TNFRSF13B: variants seen among roughly 807,000 people sequenced by gnomAD.
TNFRSF13B encodes the protein tumor necrosis factor receptor superfamily member 13B.
Under a neutral mutation model 24.0 loss-of-function variants are expected in TNFRSF13B, and 34 were observed. The ratio of observed to expected loss-of-function variants is 1.41; its 90% CI spans 1.08 to 1.88. The LOEUF (loss-of-function observed/expected upper bound fraction) is 1.88, where lower values mean the gene tolerates loss of function less well. TNFRSF13B is among the 40% of genes most tolerant of loss of function. The pLI is 0.00. For synonymous variants in TNFRSF13B, 173 were observed against 150.3 expected (o/e 1.15, Z -1.10); for missense variants, 415 against 380.8 (o/e 1.09, Z -0.75).
At chr17:16,955,956 T>C (rs2087621906) in intron 1 of TNFRSF13B, among the ~76,000 whole-genome samples, 1 of 152,218 alleles carries the variant, frequency 6.6e-6, no homozygotes, top group Non-Finnish European at 1.5e-5. Flanking sequence ...AGGTTGTGGG[T>C]TCTGATTGCT....
intron 3 of TNFRSF13B, among the ~76,000 whole-genome samples, chr17:16,944,908 C>A (rs747142848): frequency 2.0e-5 from 3 of 152,170 alleles, no homozygotes; most frequent in Non-Finnish European, 4.4e-5. Context: ...AACTTGGTCA[C>A]ATGGTGTCCT....
chr17:16,972,051 G>T lies in TNFRSF13B; in HGVS notation c.25C>A (p.Arg9=). The T allele has an allele frequency of 1.2e-6, 2 of 1,613,948 alleles. No homozygotes were observed. The highest frequency in any genetic ancestry group is 1.7e-6 in the Non-Finnish European group (2 of 1,180,008). ...TGGTCCACACGGCTCCGGCCACCTCGCCTGCTCCGGCCCAGGCCACTCATT... is the reference window on the plus strand; with the variant it reads ...TGGTCCACACGGCTCCGGCCACCTCTCCTGCTCCGGCCCAGGCCACTCATT... MSGLGRSR[R]GGRSRVDQEE... Residue 9 remains arginine, a synonymous_variant, in exon 1 of 5, where the codon CGA becomes AGA. Transcript: ENST00000261652.
At chr17:16,955,955 G>A (rs2087621887) in intron 1 of TNFRSF13B, among the ~76,000 whole-genome samples, 1 of 152,232 alleles carries the variant, frequency 6.6e-6, no homozygotes, top group Non-Finnish European at 1.5e-5. Context: ...GAGGTTGTGG[G>A]TTCTGATTGC....
Position 16,952,382 on chromosome 17 carries a change from G to A in TNFRSF13B, c.199+64C>T, listed in dbSNP as rs900573518. 7.5e-6 allele frequency: 12 copies of A among 1,610,084 alleles called. No homozygotes were observed. The African/African-American group carries it at 1.3e-4, about 18-fold the overall frequency. On this transcript the variant is annotated intron_variant, in intron 2 of 4. Transcript: ENST00000261652. ...AGCCACCTGACTGTGGGGCCAGAGGGTGCTCTAGGGAGAAAGGAGGAGGGT... is the reference window on the plus strand; with the variant it reads ...AGCCACCTGACTGTGGGGCCAGAGGATGCTCTAGGGAGAAAGGAGGAGGGT...
At chr17:16,947,851 A>G (rs1567651939) in intron 3 of TNFRSF13B, among the ~76,000 whole-genome samples, 1 of 152,238 alleles carries the variant, frequency 6.6e-6, no homozygotes, top group Non-Finnish European at 1.5e-5. Flanking sequence ...TACTGGGTAT[A>G]TATCCAAAGG....
rs534582608 is a variant in TNFRSF13B at position 16,939,461 on chromosome 17, A to G, written c.*86T>C. 31 of 1,326,442 alleles carry G rather than the reference A, an allele frequency of 2.3e-5. No homozygotes were observed. The African/African-American group carries it at 4.8e-4, about 20-fold the overall frequency. 82.2% of individuals were successfully genotyped at this position (1,326,442 alleles called of 1,614,324 possible). ...CTGCCTCCTCTGTCTCTCTCTCCTC[A>G]TATCTCTCTCCCCTCTCCCCACCTC... On this transcript the variant is annotated 3_prime_UTR_variant, in exon 5 of 5. Transcript: ENST00000261652.
At chr17:16,959,638 A>G (rs1024448538) in intron 1 of TNFRSF13B, among the ~76,000 whole-genome samples, 2 of 152,102 alleles carry the variant, frequency 1.3e-5, no homozygotes. Flanking sequence ...CAGAAATGAC[A>G]TTAAGAACTT....
At chr17:16,950,440 G>A (rs184211034) in intron 2 of TNFRSF13B, among the ~76,000 whole-genome samples, 2 of 152,266 alleles carry the variant, frequency 1.3e-5, no homozygotes, top group African/African-American at 2.4e-5. Flanking sequence ...AAAGCAAACA[G>A]ATCCGTTCTT....
chr17:16,969,643 C>T (rs533905508), intron 1 of TNFRSF13B, among the ~76,000 whole-genome samples: 1 of 152,230 alleles, frequency 6.6e-6, no homozygotes, highest in South Asian at 2.1e-4. Flanking sequence ...AAAACACAGA[C>T]TTGTATGCTT....
At chr17:16,964,386 A>G (rs569740841) in intron 1 of TNFRSF13B, among the ~76,000 whole-genome samples, 1 of 117,386 alleles carries the variant, frequency 8.5e-6, no homozygotes, top group East Asian at 2.6e-4. Flanking sequence ...CTTGTTCCCC[A>G]GGCTGGAGTG....
intron 2 of TNFRSF13B, among the ~76,000 whole-genome samples, chr17:16,952,056 G>A (rs35612151): frequency 0.037 from 5,595 of 152,186 alleles, 128 homozygotes; most frequent in South Asian, 0.11. Flanking sequence ...GATAAGTTCT[G>A]TAATAAAAAG....
intron 1 of TNFRSF13B, among the ~76,000 whole-genome samples, chr17:16,967,494 C>A (rs747627927): frequency 7.0e-4 from 106 of 151,952 alleles, no homozygotes; most frequent in Non-Finnish European, 1.3e-3. Context: ...GTGGCTCACA[C>A]CTGTAATCCC....
chr17:16,971,977 T>C, intron 1 of TNFRSF13B, 38 bp downstream of exon 1: 1 of 1,611,176 alleles, frequency 6.2e-7, no homozygotes, highest in Non-Finnish European at 8.5e-7. Flanking sequence ...TCCTCACACC[T>C]CCCACCTGCC....
chr17:16,965,855 A>AT (rs1436285868), intron 1 of TNFRSF13B, among the ~76,000 whole-genome samples: 1 of 152,236 alleles, frequency 6.6e-6, no homozygotes, highest in South Asian at 2.1e-4. Flanking sequence ...CCATTTCATA[A>AT]TTTTTTTACA....
chr17:16,968,141 C>CA (rs1455676355), intron 1 of TNFRSF13B, among the ~76,000 whole-genome samples: 2,713 of 31,524 alleles, frequency 0.086, 61 homozygotes, highest in African/African-American at 0.16. Flanking sequence ...AACCCTGTCT[C>CA]AAAAAAAAAA....
chr17:16,955,897 T>C (rs192705751), intron 1 of TNFRSF13B, among the ~76,000 whole-genome samples: 196 of 152,390 alleles, frequency 1.3e-3, no homozygotes, highest in Middle Eastern at 6.8e-3. Flanking sequence ...GCAGTGCCAC[T>C]TGGCTAGAGC....
intron 3 of TNFRSF13B, among the ~76,000 whole-genome samples, chr17:16,944,920 T>G (rs2087536699): frequency 6.6e-6 from 1 of 152,180 alleles, no homozygotes; most frequent in Non-Finnish European, 1.5e-5. Flanking sequence ...TGGTGTCCTC[T>G]GCTCTCTGCC....
At chr17:16,967,104 G>T (rs1296512596) in intron 1 of TNFRSF13B, among the ~76,000 whole-genome samples, 1 of 152,112 alleles carries the variant, frequency 6.6e-6, no homozygotes, top group African/African-American at 2.4e-5. Context: ...CTTTCAAAGT[G>T]CTGGGATTAC....
intron 1 of TNFRSF13B, among the ~76,000 whole-genome samples, chr17:16,956,354 AT>A (rs2087624478): frequency 6.6e-6 from 1 of 152,250 alleles, no homozygotes; most frequent in African/African-American, 2.4e-5. Context: ...TCTCAAAAAA[AT>A]ATTACAAAGC....
Sources: gnomAD v4.1 joint callset for allele counts (sites outside exome capture counted in the v4.1 genomes callset) on GRCh38, gnomAD v4.1.1 for gene constraint, MANE v1.5 for transcripts, NCBI Gene and HGNC (gene_info 2026-07-23, HGNC 2026-07-21) for gene names.